MAX: variants seen among roughly 807,000 people sequenced by gnomAD.
The protein encoded by MAX is MYC associated transcriptional regulator X.
In MAX, 3 loss-of-function variants were observed where a neutral mutation model predicts 22.3. That is an observed-to-expected ratio of 0.13 (90% CI 0.06 to 0.35). The LOEUF is 0.35. MAX is among the 10% of genes least tolerant of loss of function. The pLI, the probability that MAX is intolerant of heterozygous loss-of-function variation, is 1.00. For synonymous variants in MAX, 72 were observed against 77.7 expected (o/e 0.93, Z 0.39); for missense variants, 119 against 209.4 (o/e 0.57, Z 2.66).
At chr14:65,006,147 C>T (rs971710055), downstream of MAX, 1 of 1,587,234 alleles carries the variant, frequency 6.3e-7, no homozygotes, top group South Asian at 1.1e-5. Flanking sequence ...TTGTTTGTTA[C>T]CTTTGTGTCT....
chr14:65,076,848 TC>T lies in MAX; in HGVS notation c.296-186del. 1 of 685,962 alleles carries T rather than the reference TC, an allele frequency of 1.5e-6. No homozygotes were observed. The highest frequency in any genetic ancestry group is 2.6e-6 in the Non-Finnish European group (1 of 383,460). The allele number at this position is 685,962 out of a possible 1,614,324, so 42.5% of individuals were successfully genotyped here. ...ACACACTTCATTTCCCTCCCGCCTT[TC>T]CCAGCTGGACCTGGGAGCCAGCAGA... On this transcript the variant is annotated intron_variant, in intron 4 of 4. Coordinates refer to ENST00000358664, the MANE Select transcript of MAX (RefSeq NM_002382.5). The surrounding 1 kb of genome is among the most constrained non-coding windows in gnomAD (Gnocchi z 6.6).
In MAX at chr14:65,054,570, T is replaced by TA; in HGVS notation, c.171+39137dup. The stretch of plus-strand genomic sequence containing the variant: ...GCGCCTGCTCAGAGCTGCCTGTCCT[T>TA]ACAGGTCGCGTGATTTCTACCACAC... On this transcript the variant is annotated intron_variant, in intron 3 of 3. Coordinates refer to the MAX transcript ENST00000341653. This position sits in a 1 kb window ranked among gnomAD's most constrained non-coding sequence, Gnocchi z 4.4. The TA allele has an allele frequency of 6.2e-7, 1 of 1,611,980 alleles. No individual in the cohort carries two copies. The highest frequency in any genetic ancestry group is 8.5e-7 in the Non-Finnish European group (1 of 1,179,140).
In MAX at chr14:65,062,615, A is replaced by G. The variant is rs2062885787; in HGVS notation, c.171+31093T>C. On this transcript the variant is annotated intron_variant, in intron 3 of 3. Coordinates refer to the MAX transcript ENST00000341653. This position sits in a 1 kb window ranked among gnomAD's most constrained non-coding sequence, Gnocchi z 4.3. ...TTTGCTTTGCCATATTGGGCTATGT[A>G]TTACCTCCTTGAAATAATAAAAGAA... 1 of 152,624 alleles carries G rather than the reference A, an allele frequency of 6.6e-6. No individual in the cohort carries two copies. Among genetic ancestry groups the G allele is most frequent in the East Asian group, 1.9e-4 (1 of 5,192 alleles). The allele number at this position is 152,624 out of a possible 1,614,324, so 9.5% of individuals were successfully genotyped here.
chr14:65,072,433 C>T (rs1357059698), downstream of MAX, among the ~76,000 whole-genome samples: 3 of 152,172 alleles, frequency 2.0e-5, no homozygotes, highest in African/African-American at 4.8e-5. Context: ...TTAACAAGCC[C>T]GCCTCCCCCA....
In MAX at chr14:65,077,897, G is replaced by C. The variant is rs537719104; in HGVS notation, c.295+16C>G. The C allele has an allele frequency of 4.3e-6, 7 of 1,614,080 alleles. No homozygotes were observed. The African/African-American group carries it at 8.0e-5, about 18-fold the overall frequency. ...AGCACAGCAGGGCCAGCTGCCCCACGAGCTCGGGTGCTCACCTTGCTGCTC... is the reference window on the plus strand; with the variant it reads ...AGCACAGCAGGGCCAGCTGCCCCACCAGCTCGGGTGCTCACCTTGCTGCTC... On this transcript the variant is annotated intron_variant, in intron 4 of 4. Coordinates refer to ENST00000358664, the MANE Select transcript of MAX (RefSeq NM_002382.5). This position sits in a 1 kb window ranked among gnomAD's most constrained non-coding sequence, Gnocchi z 6.3.
rs1422933692 is a variant in MAX at position 65,009,785 on chromosome 14, C to A, written c.172-3501G>T. Among the ~76,000 whole-genome samples the A allele has an allele frequency of 6.6e-6, 1 of 152,168 alleles. No homozygotes were observed. Among genetic ancestry groups the A allele is most frequent in the Non-Finnish European group, 1.5e-5 (1 of 68,036 alleles). Reference sequence around the variant, plus strand: ...GCCTGCTTAACTCATGTCTTTCCAGCCTTAAACTCAATGCTCTTCCCTTTG... The same window carrying A: ...GCCTGCTTAACTCATGTCTTTCCAGACTTAAACTCAATGCTCTTCCCTTTG... On this transcript the variant is annotated intron_variant, in intron 3 of 3. Coordinates refer to the MAX transcript ENST00000341653. The surrounding 1 kb of genome is among the most constrained non-coding windows in gnomAD (Gnocchi z 4.2).
At chr14:65,050,125 T>C (rs770313853) in intron 3 of MAX, among the ~76,000 whole-genome samples, 16 of 152,120 alleles carry the variant, frequency 1.1e-4, no homozygotes, top group Non-Finnish European at 2.1e-4. Flanking sequence ...ATTAATAAAA[T>C]TGGCTATTGG....
At chr14:65,018,923 C>T (rs147884458) in intron 3 of MAX, among the ~76,000 whole-genome samples, 1,534 of 152,166 alleles carry the variant, frequency 0.01, 11 homozygotes, top group South Asian at 0.024. Flanking sequence ...CCAGCCTGGC[C>T]AACATGGAGA....
In MAX at chr14:65,012,045, C is replaced by T. The variant is rs548920956; in HGVS notation, c.172-5761G>A. ...CTGCGTGTGCTCATTGCGGCTTTTC[C>T]GTTAGCCCAAAGTCACTGCCTTTAG... On this transcript the variant is annotated intron_variant, in intron 3 of 3. Transcript: ENST00000341653. This position sits in a 1 kb window ranked among gnomAD's most constrained non-coding sequence, Gnocchi z 5.0. 23 of 367,428 alleles carry T rather than the reference C, an allele frequency of 6.3e-5. 1 individual carries two copies. The highest frequency in any genetic ancestry group is 2.5e-4 in the African/African-American group (12 of 48,764). The allele number at this position is 367,428 out of a possible 1,614,324, so 22.8% of individuals were successfully genotyped here.
chr14:65,054,649 T>C lies in MAX; in HGVS notation c.171+39059A>G. The C allele has an allele frequency of 6.2e-7, 1 of 1,613,484 alleles. No individual in the cohort carries two copies. The highest frequency in any genetic ancestry group is 8.5e-7 in the Non-Finnish European group (1 of 1,179,730). ...GCCCAGCACTTCGGCAGCGGAGCCA[T>C]GTTGCATGATGTGGTCCTGGGTGTG... On this transcript the variant is annotated intron_variant, in intron 3 of 3. Coordinates refer to the MAX transcript ENST00000341653. This position sits in a 1 kb window ranked among gnomAD's most constrained non-coding sequence, Gnocchi z 4.4.
intron 3 of MAX, chr14:65,040,787 T>G: frequency 6.2e-7 from 1 of 1,612,532 alleles, no homozygotes; most frequent in East Asian, 2.2e-5. Flanking sequence ...AATCTCTTCT[T>G]AGGTGTCAGA....
At chr14:65,016,808 G>A (rs556133087) in intron 3 of MAX, among the ~76,000 whole-genome samples, 1 of 152,076 alleles carries the variant, frequency 6.6e-6, no homozygotes, top group South Asian at 2.1e-4. Context: ...CAAGTGCATT[G>A]TTTTGATCAT....
intron 3 of MAX, among the ~76,000 whole-genome samples, chr14:65,059,926 C>T (rs763123206): frequency 1.5e-4 from 23 of 151,212 alleles, no homozygotes; most frequent in East Asian, 1.9e-4. Context: ...CTCCGCCTCC[C>T]GGGTTCAAGC....
rs78193722 is a variant in MAX, at chr14:65,043,161, G to A, written c.172-36877C>T. On this transcript the variant is annotated intron_variant, in intron 3 of 3. Transcript: ENST00000341653. ...AGCTCTGTAAGTCCGTGGCTGGAAC[G>A]GCCTAGGTGGTCTAGGGAGGGAAAT... Among the ~76,000 whole-genome samples, 650 of 152,276 alleles carry A rather than the reference G, an allele frequency of 4.3e-3. 32 individuals are homozygous for A. In the South Asian group the frequency reaches 0.1, roughly 25 times the overall value.
chr14:65,094,755 C>T (rs1244118295), intron 2 of MAX, among the ~76,000 whole-genome samples: 1 of 152,248 alleles, frequency 6.6e-6, no homozygotes, highest in African/African-American at 2.4e-5. Flanking sequence ...AAGAGCACTT[C>T]AGCAGGTCCC....
chr14:65,022,396 A>C (rs544330612), intron 3 of MAX, among the ~76,000 whole-genome samples: 1 of 151,410 alleles, frequency 6.6e-6, no homozygotes, highest in East Asian at 1.9e-4. Flanking sequence ...GAAGTTTTTT[A>C]TGTAACCTAA....
rs374495103 is a variant in MAX at position 65,076,694 on chromosome 14, C to T, written c.296-31G>A. On this transcript the variant is annotated intron_variant, in intron 4 of 4. Coordinates refer to ENST00000358664, the MANE Select transcript of MAX (RefSeq NM_002382.5). This position sits in a 1 kb window ranked among gnomAD's most constrained non-coding sequence, Gnocchi z 6.6. ...AGGCAACCAAGGGAGTGTGTTACTGCCTTCTGGAGACTTGGGGAGTAACCG... is the reference window on the plus strand; with the variant it reads ...AGGCAACCAAGGGAGTGTGTTACTGTCTTCTGGAGACTTGGGGAGTAACCG... 1 of 1,613,976 alleles carries T rather than the reference C, an allele frequency of 6.2e-7. No homozygotes were observed. The highest frequency in any genetic ancestry group is 1.3e-5 in the African/African-American group (1 of 74,922).
intron 3 of MAX, among the ~76,000 whole-genome samples, chr14:65,060,411 A>G (rs2062835208): frequency 6.8e-6 from 1 of 147,750 alleles, no homozygotes; most frequent in South Asian, 2.2e-4. Context: ...CAACATGGTG[A>G]AACCCTGTCT....
rs1049232242 is a variant in MAX at position 65,069,722 on chromosome 14, A to T, written c.171+23986T>A. Among the ~76,000 whole-genome samples, 1 of 152,240 alleles carries T rather than the reference A, an allele frequency of 6.6e-6. No individual in the cohort carries two copies. The highest frequency in any genetic ancestry group is 2.4e-5 in the African/African-American group (1 of 41,468). Reference sequence around the variant, plus strand: ...AAGCCAAGCACAGTGCTAGGAGTCCAGTAACAAGTGCACAGACCAGCCACT... The same window carrying T: ...AAGCCAAGCACAGTGCTAGGAGTCCTGTAACAAGTGCACAGACCAGCCACT... On this transcript the variant is annotated intron_variant, in intron 3 of 3. Transcript: ENST00000341653. This position sits in a 1 kb window ranked among gnomAD's most constrained non-coding sequence, Gnocchi z 4.6.
Sources: allele counts gnomAD v4.1 joint callset (sites outside exome capture counted in the v4.1 genomes callset), GRCh38; gene constraint gnomAD v4.1.1; non-coding constraint Gnocchi (gnomAD v3.1); transcripts MANE v1.5; gene names NCBI Gene and HGNC (gene_info 2026-07-23, HGNC 2026-07-21).